Variants in FRMD3 observed in about 807,000 individuals in gnomAD.
FRMD3 encodes FERM domain-containing protein 3.
FRMD3 carries 33 observed loss-of-function variants against 70.2 expected under a neutral mutation model. The ratio of observed to expected loss-of-function variants is 0.47; its 90% CI spans 0.36 to 0.63. The LOEUF is 0.63. Among genes scored for constraint, FRMD3 ranks in the 20% least tolerant of loss-of-function variants. The pLI is 0.00. For synonymous variants in FRMD3, 279 were observed against 255.9 expected (o/e 1.09, Z -0.86); for missense variants, 632 against 711.4 (o/e 0.89, Z 1.27).
intron 12 of FRMD3, among the ~76,000 whole-genome samples, chr9:83,296,387 G>T (rs916114912): frequency 3.9e-5 from 6 of 152,150 alleles, no homozygotes; most frequent in Admixed American, 3.9e-4. Context: ...CATACTCCTA[G>T]CTCATGCATT....
At chr9:83,261,504 C>T (rs1017621161) in intron 13 of FRMD3, among the ~76,000 whole-genome samples, 1 of 152,192 alleles carries the variant, frequency 6.6e-6, no homozygotes, top group Non-Finnish European at 1.5e-5. Context: ...GTTCCATACT[C>T]TCTTGGTTTC....
intron 5 of FRMD3, among the ~76,000 whole-genome samples, chr9:83,341,025 T>C (rs1166680819): frequency 2.0e-5 from 3 of 152,198 alleles, no homozygotes; most frequent in South Asian, 2.1e-4. Context: ...CCATCTTCCC[T>C]ATTACTCTGT....
At chr9:83,362,449 G>A (rs1264867598) in intron 3 of FRMD3, among the ~76,000 whole-genome samples, 2 of 152,130 alleles carry the variant, frequency 1.3e-5, no homozygotes, top group African/African-American at 4.8e-5. Context: ...CTGCTATTAT[G>A]GCTGAGTTGT....
intron 13 of FRMD3, among the ~76,000 whole-genome samples, chr9:83,269,463 T>G (rs1045319362): frequency 6.6e-6 from 1 of 152,158 alleles, no homozygotes; most frequent in African/African-American, 2.4e-5. Flanking sequence ...ATTATTATCT[T>G]TGGGAGGCCG....
At chr9:83,358,088 T>A (rs1824461510) in intron 3 of FRMD3, among the ~76,000 whole-genome samples, 1 of 152,232 alleles carries the variant, frequency 6.6e-6, no homozygotes, top group African/African-American at 2.4e-5. Context: ...AAGTCTTTGA[T>A]CCATCTTGAG....
intron 1 of FRMD3, among the ~76,000 whole-genome samples, chr9:83,445,802 T>C (rs1356057276): frequency 1.3e-5 from 2 of 152,142 alleles, no homozygotes; most frequent in Non-Finnish European, 1.5e-5. Flanking sequence ...AAAGGCTACT[T>C]GATATAAGAA....
At chr9:83,459,900 C>T (rs1827922451) in intron 1 of FRMD3, among the ~76,000 whole-genome samples, 1 of 152,244 alleles carries the variant, frequency 6.6e-6, no homozygotes, top group Non-Finnish European at 1.5e-5. Flanking sequence ...CAGACAGCTG[C>T]CTTCTCACTC....
At chr9:83,474,077 A>T (rs1312067920) in intron 1 of FRMD3, among the ~76,000 whole-genome samples, 9 of 152,236 alleles carry the variant, frequency 5.9e-5, no homozygotes, top group Admixed American at 5.9e-4. Flanking sequence ...GCATTTATAT[A>T]CATACACATT....
intron 1 of FRMD3, among the ~76,000 whole-genome samples, chr9:83,524,012 T>C (rs1308746345): frequency 1.3e-5 from 2 of 152,226 alleles, no homozygotes; most frequent in South Asian, 2.1e-4. Context: ...TCCACAGAGT[T>C]TATTACTCTT....
chr9:83,498,674 T>G (rs769369089), intron 1 of FRMD3, among the ~76,000 whole-genome samples: 2 of 152,142 alleles, frequency 1.3e-5, no homozygotes, highest in African/African-American at 2.4e-5. Context: ...TCATGAACAT[T>G]TCTACTGAAC....
chr9:83,405,760 CA>C (rs34189949), intron 1 of FRMD3, among the ~76,000 whole-genome samples: 23,392 of 138,434 alleles, frequency 0.17, 2,572 homozygotes, highest in African/African-American at 0.33. Flanking sequence ...GAAACTCAGT[CA>C]AAAAAAAAAA....
In FRMD3 at chr9:83,308,648, T is replaced by G. The variant is rs79506566; in HGVS notation, c.926+888A>C. On this transcript the variant is annotated intron_variant, in intron 10 of 13. Transcript: ENST00000304195. Reference sequence around the variant, plus strand: ...CGTCTCTCAGAGAAGAAGGTGTAACTCCATGCACAGATCTCAGTTTGAACT... The same window carrying G: ...CGTCTCTCAGAGAAGAAGGTGTAACGCCATGCACAGATCTCAGTTTGAACT... Among the ~76,000 whole-genome samples the G allele has an allele frequency of 3.3e-5, 5 of 152,270 alleles. No homozygotes were observed. In the East Asian group the frequency reaches 9.7e-4, roughly 29 times the overall value.
intron 6 of FRMD3, 143 bp downstream of exon 6, chr9:83,335,373 G>A: frequency 2.6e-6 from 2 of 760,844 alleles, no homozygotes; most frequent in South Asian, 3.7e-5. Flanking sequence ...CCTTGACAGT[G>A]CCCAGAAAAA....
intron 1 of FRMD3, among the ~76,000 whole-genome samples, chr9:83,532,303 A>G (rs1470531302): frequency 6.6e-6 from 1 of 152,166 alleles, no homozygotes; most frequent in Non-Finnish European, 1.5e-5. Flanking sequence ...CCACTGTGCC[A>G]CTTGAACAAG....
chr9:83,578,470 T>A, the FRMD3 span, among the ~76,000 whole-genome samples: 7 of 152,070 alleles, frequency 4.6e-5, no homozygotes, highest in East Asian at 1.3e-3. Context: ...AAAACAATCA[T>A]TCACCATGAC....
intron 1 of FRMD3, among the ~76,000 whole-genome samples, chr9:83,492,092 T>C (rs1214583777): frequency 6.6e-6 from 1 of 152,122 alleles, no homozygotes; most frequent in Non-Finnish European, 1.5e-5. Context: ...AGGGAAAAAG[T>C]CCCATAGACA....
At chr9:83,557,117 A>C in the FRMD3 span, among the ~76,000 whole-genome samples, 1 of 152,176 alleles carries the variant, frequency 6.6e-6, no homozygotes, top group Non-Finnish European at 1.5e-5. Context: ...AGACAAAGCA[A>C]TAAGAAAAAG....
chr9:83,245,533 A>C lies in FRMD3; in HGVS notation c.*2385T>G, dbSNP rs1211735452. 1.0e-6 allele frequency: 1 copy of C among 960,698 alleles called. No individual in the cohort carries two copies. The highest frequency in any genetic ancestry group is 1.2e-6 in the Non-Finnish European group (1 of 807,662). The allele number at this position is 960,698 out of a possible 1,614,324, so 59.5% of individuals were successfully genotyped here. A position where few individuals can be genotyped will look rare whatever the true frequency, so the allele number is the denominator to read the frequency against. Reference sequence around the variant, plus strand: ...AAGAGAAAAGAGATGTTAGCTGGAAATGTTAAAATAATATATTTATTACTC... The same window carrying C: ...AAGAGAAAAGAGATGTTAGCTGGAACTGTTAAAATAATATATTTATTACTC... On this transcript the variant is annotated 3_prime_UTR_variant, in exon 14 of 14. Coordinates refer to ENST00000304195, the MANE Select transcript of FRMD3 (RefSeq NM_174938.6).
intron 7 of FRMD3, among the ~76,000 whole-genome samples, chr9:83,312,958 T>C (rs1269711064): frequency 6.6e-6 from 1 of 152,246 alleles, no homozygotes; most frequent in African/African-American, 2.4e-5. Context: ...ACTCCAAAAC[T>C]TATACTTAAG....
Sources: allele counts gnomAD v4.1 joint callset (sites outside exome capture counted in the v4.1 genomes callset), GRCh38; gene constraint gnomAD v4.1.1; transcripts MANE v1.5; gene names NCBI Gene and HGNC (gene_info 2026-07-23, HGNC 2026-07-21).